The following LRRTM3 variants were observed in gnomAD, a reference collection of about 807,000 sequenced individuals.
The protein encoded by LRRTM3 is leucine-rich repeat transmembrane neuronal protein 3.
LRRTM3 carries 24 observed loss-of-function variants against 44.7 expected under a neutral mutation model. The observed-to-expected ratio is 0.54, with a 90% CI of 0.39 to 0.76. The LOEUF (loss-of-function observed/expected upper bound fraction) is 0.76, where lower values mean the gene tolerates loss of function less well. LRRTM3 is among the 30% of genes least tolerant of loss of function. LRRTM3 has a pLI of 0.00. For synonymous variants in LRRTM3, 277 were observed against 278.7 expected (o/e 0.99, Z 0.06); for missense variants, 587 against 702.2 (o/e 0.84, Z 1.85).
chr10:67,066,009 A>G (rs1420869311), intron 2 of LRRTM3, among the ~76,000 whole-genome samples: 1 of 152,082 alleles, frequency 6.6e-6, no homozygotes, highest in African/African-American at 2.4e-5. Flanking sequence ...AAATATTATT[A>G]GAAATAATAA....
chr10:67,017,725 CTGTGTG>C (rs10586644), intron 2 of LRRTM3, among the ~76,000 whole-genome samples: 3,377 of 147,966 alleles, frequency 0.023, 114 homozygotes, highest in African/African-American at 0.076. Flanking sequence ...CAAAAATCAT[CTGTGTG>C]TGTGTGTGTG....
chr10:66,978,960 C>CTTTTTTTTTT (rs34112681), intron 2 of LRRTM3, among the ~76,000 whole-genome samples: 1 of 83,792 alleles, frequency 1.2e-5, no homozygotes, highest in Non-Finnish European at 2.2e-5. Flanking sequence ...TACTTATTTC[C>CTTTTTTTTTT]TTTTTTTTTT....
intron 2 of LRRTM3, among the ~76,000 whole-genome samples, chr10:66,944,684 TTA>T (rs1241560217): frequency 1.3e-5 from 2 of 152,204 alleles, no homozygotes; most frequent in Non-Finnish European, 2.9e-5. Flanking sequence ...ATCAAAGGAA[TTA>T]TCATCCAAGA....
intron 2 of LRRTM3, among the ~76,000 whole-genome samples, chr10:67,073,765 C>T (rs181443281): frequency 1.1e-3 from 174 of 152,104 alleles, no homozygotes; most frequent in African/African-American, 4.0e-3. Flanking sequence ...GAAATGAAAG[C>T]TTCCAAAATT....
chr10:67,013,355 G>A (rs1005386583), intron 2 of LRRTM3, among the ~76,000 whole-genome samples: 3 of 152,062 alleles, frequency 2.0e-5, no homozygotes, highest in African/African-American at 4.8e-5. Context: ...TAATAGATAT[G>A]TTTTCCTTTA....
chr10:67,000,400 G>A (rs1244219739), intron 2 of LRRTM3, among the ~76,000 whole-genome samples: 1 of 152,188 alleles, frequency 6.6e-6, no homozygotes, highest in East Asian at 1.9e-4. Context: ...GTTAAATGCA[G>A]GAGAAATGAA....
At chr10:66,948,082 A>G (rs534333497) in intron 2 of LRRTM3, among the ~76,000 whole-genome samples, 1 of 152,362 alleles carries the variant, frequency 6.6e-6, no homozygotes, top group East Asian at 1.9e-4. Context: ...AAGGTAGGAT[A>G]AAAACACAAT....
chr10:67,049,922 T>C (rs1295646881), intron 2 of LRRTM3, among the ~76,000 whole-genome samples: 1 of 152,216 alleles, frequency 6.6e-6, no homozygotes, highest in African/African-American at 2.4e-5. Flanking sequence ...GTGTTTCACA[T>C]TTAGAAATCC....
At chr10:67,081,225 G>A (rs913594817) in intron 2 of LRRTM3, among the ~76,000 whole-genome samples, 7 of 152,144 alleles carry the variant, frequency 4.6e-5, no homozygotes, top group Non-Finnish European at 4.4e-5. Context: ...AATGACTGTT[G>A]GCAGGGCATT....
chr10:66,931,828 G>C (rs946893670), intron 2 of LRRTM3, among the ~76,000 whole-genome samples: 3 of 152,134 alleles, frequency 2.0e-5, no homozygotes, highest in Non-Finnish European at 2.9e-5. Flanking sequence ...AACGCAATAA[G>C]AATAGATAAG....
chr10:67,023,526 A>G (rs1387941049), intron 2 of LRRTM3, among the ~76,000 whole-genome samples: 1 of 152,188 alleles, frequency 6.6e-6, no homozygotes, highest in Non-Finnish European at 1.5e-5. Flanking sequence ...TAAGGGATCT[A>G]TGATAATACA....
rs554678863 is a variant in LRRTM3 at position 67,047,654 on chromosome 10, G to C, written c.1537-49933G>C. Among the ~76,000 whole-genome samples, 6 of 151,956 alleles carry C rather than the reference G, an allele frequency of 3.9e-5. No individual in the cohort carries two copies. The South Asian group carries it at 1.0e-3, about 26-fold the overall frequency. The stretch of plus-strand genomic sequence containing the variant: ...CAGCAAGTTGCTACTATATATTTAT[G>C]AAATAAATTCACATATATTTATGAA... On this transcript the variant is annotated intron_variant, in intron 2 of 2. Coordinates refer to ENST00000361320, the MANE Select transcript of LRRTM3 (RefSeq NM_178011.5).
chr10:67,022,642 A>T (rs1853097586), intron 2 of LRRTM3, among the ~76,000 whole-genome samples: 1 of 152,200 alleles, frequency 6.6e-6, no homozygotes, highest in Non-Finnish European at 1.5e-5. Context: ...GAAAAATTTT[A>T]AATATACACT....
At chr10:67,029,482 G>C (rs981034911) in intron 2 of LRRTM3, among the ~76,000 whole-genome samples, 1 of 152,078 alleles carries the variant, frequency 6.6e-6, no homozygotes, top group South Asian at 2.1e-4. Flanking sequence ...CATGATAACC[G>C]GTGGGTACTC....
At chr10:67,005,079 G>A (rs1851893440) in intron 2 of LRRTM3, among the ~76,000 whole-genome samples, 1 of 152,124 alleles carries the variant, frequency 6.6e-6, no homozygotes, top group African/African-American at 2.4e-5. Context: ...TTTCCTACAA[G>A]CTCCTTTTCC....
chr10:67,093,734 C>T (rs2131919163), intron 2 of LRRTM3, among the ~76,000 whole-genome samples: 1 of 152,062 alleles, frequency 6.6e-6, no homozygotes. Context: ...GGTATTTACC[C>T]TGGTGTGAAA....
rs923521177 is a variant in LRRTM3, at chr10:67,054,071, T to C, written c.1537-43516T>C. ...ATCTTTGCAGATTACAGACACTTAGTATTTACCGTTTCAAAAGTAAGCAGC... is the reference window on the plus strand; with the variant it reads ...ATCTTTGCAGATTACAGACACTTAGCATTTACCGTTTCAAAAGTAAGCAGC... On this transcript the variant is annotated intron_variant, in intron 2 of 2. Transcript: ENST00000361320. Among the ~76,000 whole-genome samples the C allele has an allele frequency of 5.9e-5, 9 of 152,186 alleles. 1 individual carries two copies. The highest frequency in any genetic ancestry group is 3.9e-4 in the Admixed American group (6 of 15,272).
chr10:67,004,621 C>A (rs1851870344), intron 2 of LRRTM3, among the ~76,000 whole-genome samples: 1 of 152,126 alleles, frequency 6.6e-6, no homozygotes, highest in Admixed American at 6.6e-5. Context: ...CAGAACTAAT[C>A]CTACAATAAG....
intron 2 of LRRTM3, among the ~76,000 whole-genome samples, chr10:67,047,452 A>T (rs1366425495): frequency 1.3e-5 from 2 of 152,132 alleles, no homozygotes; most frequent in Non-Finnish European, 2.9e-5. Flanking sequence ...TAAGGAAAGG[A>T]GTCGGAGGGA....
Sources: gnomAD v4.1 joint callset for allele counts (sites outside exome capture counted in the v4.1 genomes callset) on GRCh38, gnomAD v4.1.1 for gene constraint, MANE v1.5 for transcripts, NCBI Gene and HGNC (gene_info 2026-07-23, HGNC 2026-07-21) for gene names.